The following MCM8 variants were observed in gnomAD, a reference collection of about 807,000 sequenced individuals.
MCM8 encodes minichromosome maintenance 8 homologous recombination repair factor.
A neutral mutation model predicts 98.9 loss-of-function variants in MCM8; 85 were observed. The ratio of observed to expected loss-of-function variants is 0.86; its 90% confidence interval spans 0.72 to 1.03. The LOEUF is 1.03. MCM8 is among the 50% of genes least tolerant of loss of function. The pLI is 0.00. For missense variants in MCM8, 951 were observed against 997.8 expected (o/e 0.95, Z 0.63); for synonymous variants, 352 against 338.6 (o/e 1.04, Z -0.44).
In MCM8 at chr20:5,973,046, C is replaced by T. The variant is rs201686791; in HGVS notation, c.1255-10C>T. 6.3e-5 allele frequency: 101 copies of T among 1,609,342 alleles called. No individual in the cohort carries two copies. The highest frequency in any genetic ancestry group is 1.2e-4 in the Admixed American group (7 of 59,202). ...TTACTTCTGTTTTTTGTTCTTTTTT[C>T]GCACTTGAGCTTGTTAAAGCAGGTT... On this transcript the variant is annotated splice_polypyrimidine_tract_variant and intron_variant, in intron 11 of 18. Coordinates refer to ENST00000610722, the MANE Select transcript of MCM8 (RefSeq NM_032485.6).
Position 5,955,197 on chromosome 20 carries a change from A to G in MCM8, c.432A>G (p.Glu144=), listed in dbSNP as rs773903651. 1.2e-6 allele frequency: 2 copies of G among 1,614,008 alleles called. No homozygotes were observed. The highest frequency in any genetic ancestry group is 3.3e-5 in the Admixed American group (2 of 60,016). Residue 144 remains glutamate (E), a synonymous_variant, in exon 5 of 19, where the codon GAA becomes GAG. Transcript: ENST00000610722. ...ACTTGATACCAGATATAGCAACTGAACTAAGAGATGCACCTGAGAAAACCT... is the reference window on the plus strand; with the variant it reads ...ACTTGATACCAGATATAGCAACTGAGCTAAGAGATGCACCTGAGAAAACCT... The part of the protein sequence containing the change: ...VTNLIPDIAT[E]LRDAPEKTLA...
Position 5,998,938 on chromosome 20 carries a change from C to A in MCM8, c.*4547C>A, listed in dbSNP as rs1368392181. 1 of 151,944 alleles carries A rather than the reference C, an allele frequency of 6.6e-6. No individual in the cohort carries two copies. Among genetic ancestry groups the A allele is most frequent in the African/African-American group, 2.4e-5 (1 of 41,334 alleles). The allele number at this position is 151,944 out of a possible 1,614,324, so 9.4% of individuals were successfully genotyped here. A position where few individuals can be genotyped will look rare whatever the true frequency, so the allele number is the denominator to read the frequency against. Reference sequence around the variant, plus strand: ...TTTTCTATACCATGGAGTTACTTACCATGTGTATACATAACACTGATTAAA... The same window carrying A: ...TTTTCTATACCATGGAGTTACTTACAATGTGTATACATAACACTGATTAAA... On this transcript the variant is annotated 3_prime_UTR_variant, in exon 19 of 19. Coordinates refer to ENST00000610722, the MANE Select transcript of MCM8 (RefSeq NM_032485.6).
intron 14 of MCM8, among the ~76,000 whole-genome samples, chr20:5,983,552 T>C (rs886412008): frequency 3.9e-5 from 6 of 152,078 alleles, no homozygotes; most frequent in African/African-American, 1.4e-4. Flanking sequence ...ATACAAAAAT[T>C]AGCCAGGCAT....
chr20:5,972,198 TTTTTTTTAA>T (rs1193897331), intron 11 of MCM8, among the ~76,000 whole-genome samples, 161 bp downstream of exon 11: 3 of 151,892 alleles, frequency 2.0e-5, no homozygotes, highest in Non-Finnish European at 4.4e-5. Flanking sequence ...TATAGCTTTT[TTTTTTTTAA>T]TTTTTTTAAT....
rs895986014 is a variant in MCM8, at chr20:5,954,940, AAT to A, written c.337-159_337-158del. On this transcript the variant is annotated intron_variant, in intron 4 of 18. Coordinates refer to ENST00000610722, the MANE Select transcript of MCM8 (RefSeq NM_032485.6). ...GGCAGTAATACATTAATATATTTAA[AAT>A]ATCAGAACCATGCTTGGCACAAAGC... Among the ~76,000 whole-genome samples the A allele has an allele frequency of 2.0e-5, 3 of 152,216 alleles. No individual in the cohort carries two copies. The East Asian group carries it at 5.8e-4, about 29-fold the overall frequency.
Position 5,992,330 on chromosome 20 carries a change from A to G in MCM8, c.2241-1176A>G, listed in dbSNP as rs552363164. On this transcript the variant is annotated intron_variant, in intron 17 of 18. Coordinates refer to ENST00000610722, the MANE Select transcript of MCM8 (RefSeq NM_032485.6). ...AAGAAAAGCAATTTCAAAAACCTCT[A>G]TTACTCTTGCACCAACCTAATAAGA... 1.6e-4 allele frequency among the ~76,000 whole-genome samples: 24 copies of G among 152,306 alleles called. No individual in the cohort carries two copies. In the Middle Eastern group the frequency reaches 0.02, roughly 130 times the overall value.
intron 7 of MCM8, among the ~76,000 whole-genome samples, chr20:5,960,199 T>G (rs1292954028): frequency 2.0e-5 from 3 of 152,236 alleles, no homozygotes; most frequent in African/African-American, 7.2e-5. Flanking sequence ...GAGCATCTTT[T>G]CATATCTTTA....
chr20:5,966,886 A>G lies in MCM8; in HGVS notation c.876-550A>G, dbSNP rs1269820459. ...TCTGGTTTTTGCCAGATGATAAAGT[A>G]CGCATTCTTCCCCTACCCACCTGTC... On this transcript the variant is annotated intron_variant, in intron 8 of 18. Transcript: ENST00000610722. 3.3e-5 allele frequency among the ~76,000 whole-genome samples: 5 copies of G among 152,152 alleles called. No homozygotes were observed. The East Asian group carries it at 9.6e-4, about 29-fold the overall frequency.
intron 5 of MCM8, 137 bp downstream of exon 5, chr20:5,955,388 A>G: frequency 1.3e-6 from 1 of 773,046 alleles, no homozygotes. Context: ...TTACGAAAAG[A>G]TGTTGGCTAG....
Position 5,993,637 on chromosome 20 carries a change from A to G in MCM8, c.2372A>G (p.Tyr791Cys), listed in dbSNP as rs1219933524. ...CTCAACAACGTTGCTGAAAGAACTT[A>G]TAATAATATATTTCAATTTCATCAA... ...SALNNVAERT[Y>C]NNIFQFHQLR... Residue 791 changes from tyrosine to cysteine, a missense_variant, in exon 18 of 19, where the codon TAT (tyrosine) becomes TGT (cysteine). Transcript: ENST00000610722. The G allele has an allele frequency of 3.7e-6, 6 of 1,611,100 alleles. No homozygotes were observed. The highest frequency in any genetic ancestry group is 1.7e-5 in the Admixed American group (1 of 59,884).
At chr20:5,987,075 C>T (rs1468099730) in intron 16 of MCM8, among the ~76,000 whole-genome samples, 1 of 152,252 alleles carries the variant, frequency 6.6e-6, no homozygotes, top group Non-Finnish European at 1.5e-5. Context: ...GATCCTCCCA[C>T]CTCAGCCTCC....
At chr20:5,980,086 G>C (rs1032960152) in intron 13 of MCM8, among the ~76,000 whole-genome samples, 11 of 152,132 alleles carry the variant, frequency 7.2e-5, no homozygotes, top group Admixed American at 3.9e-4. Flanking sequence ...AGCTGCAAAG[G>C]CTTGTTTTCT....
chr20:5,951,454 T>G (rs965350414), intron 1 of MCM8, among the ~76,000 whole-genome samples: 1 of 132,004 alleles, frequency 7.6e-6, no homozygotes, highest in Non-Finnish European at 1.5e-5. Context: ...TATATCTTTA[T>G]TTACTTGTAT....
intron 7 of MCM8, among the ~76,000 whole-genome samples, chr20:5,959,366 G>A (rs565172282): frequency 1.3e-5 from 2 of 152,138 alleles, no homozygotes; most frequent in African/African-American, 4.8e-5. Flanking sequence ...AAATTGGCAT[G>A]TATTCTTCAA....
chr20:5,984,739 T>C (rs769986512), intron 14 of MCM8, 42 bp from the exon 15 acceptor site: 1 of 1,514,660 alleles, frequency 6.6e-7, no homozygotes, highest in South Asian at 1.2e-5. Context: ...GTTTTTCCTT[T>C]TGATTCCAAT....
chr20:5,988,614 T>A (rs909590266), intron 17 of MCM8, among the ~76,000 whole-genome samples: 4 of 152,208 alleles, frequency 2.6e-5, no homozygotes. Context: ...AAATGGTAAC[T>A]ATAACAACAT....
rs569320646 is a variant in MCM8, at chr20:5,987,309, G to A, written c.2191G>A (p.Glu731Lys). ...ACGAGCAAGGTTGGAATTGAGAGAG[G>A]AAGCAACCAAAGAAGACGCTGAGGA... ...EARARLELRE[E>K]ATKEDAEDIV... Residue 731 changes from glutamate (E) to lysine (K), a missense_variant, in exon 17 of 19, where the codon GAA becomes AAA. Transcript: ENST00000610722. 6.2e-7 allele frequency: 1 copy of A among 1,613,252 alleles called. No homozygotes were observed. The highest frequency in any genetic ancestry group is 1.7e-5 in the Admixed American group (1 of 59,862).
Position 5,997,033 on chromosome 20 carries a change from C to T in MCM8, c.*2642C>T, listed in dbSNP as rs61058279. On this transcript the variant is annotated 3_prime_UTR_variant, in exon 19 of 19. Transcript: ENST00000610722. ...TCATGTGGCCTGGTGTGGCATGGCACGCCCTCTTGGGAGATGAAAGTAATC... is the reference window on the plus strand; with the variant it reads ...TCATGTGGCCTGGTGTGGCATGGCATGCCCTCTTGGGAGATGAAAGTAATC... 0.074 allele frequency: 11,301 copies of T among 152,400 alleles called. 527 individuals are homozygous for T. The highest frequency in any genetic ancestry group is 0.24 in the East Asian group (1,258 of 5,192). 9.4% of individuals were successfully genotyped at this position (152,400 alleles called of 1,614,324 possible). A position where few individuals can be genotyped will look rare whatever the true frequency, so the allele number is the denominator to read the frequency against.
At chr20:5,968,474 A>G (rs1388170387) in intron 10 of MCM8, among the ~76,000 whole-genome samples, 1 of 152,146 alleles carries the variant, frequency 6.6e-6, no homozygotes, top group African/African-American at 2.4e-5. Context: ...AACCCGGGAG[A>G]TGGAGATTGC....
Sources: gnomAD v4.1 joint callset for allele counts (sites outside exome capture counted in the v4.1 genomes callset) on GRCh38, gnomAD v4.1.1 for gene constraint, MANE v1.5 for transcripts, NCBI Gene and HGNC (gene_info 2026-07-23, HGNC 2026-07-21) for gene names.